Variants in PTPRD observed in about 807,000 individuals in gnomAD.
PTPRD encodes the protein receptor-type tyrosine-protein phosphatase delta.
A neutral mutation model predicts 214.5 loss-of-function variants in PTPRD; 34 were observed. The observed-to-expected ratio is 0.16, with a 90% CI of 0.12 to 0.21. The LOEUF (loss-of-function observed/expected upper bound fraction) is 0.21, where lower values mean the gene tolerates loss of function less well. PTPRD is among the 10% of genes least tolerant of loss of function. PTPRD has a pLI of 1.00. For missense variants in PTPRD, 2,545 were observed against 2,398.7 expected (o/e 1.06, Z -1.27); for synonymous variants, 1,128 against 845.7 (o/e 1.33, Z -5.79).
chr9:10,056,444 G>GAA (rs796727898), intron 3 of PTPRD, among the ~76,000 whole-genome samples: 1 of 142,298 alleles, frequency 7.0e-6, no homozygotes, highest in African/African-American at 2.6e-5. Flanking sequence ...CTGCTGGAAA[G>GAA]AAAAAAAAAA....
chr9:9,410,239 G>A (rs762320740), intron 8 of PTPRD, among the ~76,000 whole-genome samples: 7 of 152,298 alleles, frequency 4.6e-5, no homozygotes, highest in Middle Eastern at 3.4e-3. Flanking sequence ...AGTAATGGGT[G>A]CTTGAAATTC....
chr9:10,595,091 T>C (rs1306404282), intron 2 of PTPRD, among the ~76,000 whole-genome samples: 2 of 151,958 alleles, frequency 1.3e-5, no homozygotes, highest in East Asian at 2.0e-4. Flanking sequence ...TTTGCTTATA[T>C]TGTTTCGTTC....
At chr9:10,242,728 A>G (rs1417550408) in intron 3 of PTPRD, among the ~76,000 whole-genome samples, 2 of 151,718 alleles carry the variant, frequency 1.3e-5, no homozygotes, top group Non-Finnish European at 2.9e-5. Context: ...GATTAGATCA[A>G]TAGGTTTTTA....
At chr9:9,612,647 G>A (rs1406126271) in intron 7 of PTPRD, among the ~76,000 whole-genome samples, 1 of 151,562 alleles carries the variant, frequency 6.6e-6, no homozygotes. Flanking sequence ...TCCTAAGATA[G>A]TAATTATTGT....
chr9:9,527,043 G>C (rs887927124), intron 8 of PTPRD, among the ~76,000 whole-genome samples: 2 of 152,002 alleles, frequency 1.3e-5, no homozygotes, highest in African/African-American at 2.4e-5. Context: ...TATTTAATGA[G>C]TCTGTTAAAA....
At chr9:9,214,967 G>C (rs1002499728) in intron 9 of PTPRD, among the ~76,000 whole-genome samples, 15 of 152,202 alleles carry the variant, frequency 9.9e-5, no homozygotes, top group African/African-American at 3.6e-4. Context: ...TGGGTTCAGA[G>C]TCTATGCTCT....
intron 10 of PTPRD, among the ~76,000 whole-genome samples, chr9:9,128,540 C>G (rs938904237): frequency 2.0e-5 from 3 of 152,098 alleles, no homozygotes; most frequent in Non-Finnish European, 4.4e-5. Flanking sequence ...GCTAACATGA[C>G]CAGGAAGTTA....
At chr9:9,388,118 C>G (rs2064520421) in intron 9 of PTPRD, among the ~76,000 whole-genome samples, 1 of 152,010 alleles carries the variant, frequency 6.6e-6, no homozygotes, top group Non-Finnish European at 1.5e-5. Context: ...GATGGGGGAG[C>G]CAGAAGGGAA....
intron 2 of PTPRD, among the ~76,000 whole-genome samples, chr9:10,353,590 C>A (rs1427832166): frequency 6.6e-6 from 1 of 151,864 alleles, no homozygotes; most frequent in African/African-American, 2.4e-5. Context: ...AGAAGAGTTA[C>A]AAGTTTTTAA....
At chr9:10,065,347 T>A (rs889003965) in intron 3 of PTPRD, among the ~76,000 whole-genome samples, 1 of 151,936 alleles carries the variant, frequency 6.6e-6, no homozygotes, top group Admixed American at 6.6e-5. Flanking sequence ...ACCAGCCCCA[T>A]AAAAGTCAAA....
chr9:10,167,801 A>T (rs1001175429), intron 3 of PTPRD, among the ~76,000 whole-genome samples: 2 of 151,686 alleles, frequency 1.3e-5, no homozygotes, highest in Non-Finnish European at 2.9e-5. Flanking sequence ...ACCTTCTCCC[A>T]ATATAGCTGT....
Position 8,784,330 on chromosome 9 carries a change from T to G in PTPRD, c.-103-50384A>C, listed in dbSNP as rs191242093. On this transcript the variant is annotated intron_variant, in intron 11 of 45. Transcript: ENST00000381196. ...GTTCCCAGTTTTAAATAAATTTCAT[T>G]TCTTAAACGTAAATGCATGCTATTA... Among the ~76,000 whole-genome samples, 3 of 152,348 alleles carry G rather than the reference T, an allele frequency of 2.0e-5. No individual in the cohort carries two copies. The East Asian group carries it at 5.8e-4, about 29-fold the overall frequency.
intron 5 of PTPRD, among the ~76,000 whole-genome samples, chr9:9,779,232 G>A (rs1468797533): frequency 1.3e-5 from 2 of 151,888 alleles, no homozygotes; most frequent in Non-Finnish European, 1.5e-5. Flanking sequence ...TTAAATGTAA[G>A]ACTTCAAATT....
At chr9:8,454,694 G>A in intron 33 of PTPRD, 1 of 1,310,238 alleles carries the variant, frequency 7.6e-7, no homozygotes, top group South Asian at 1.2e-5. Context: ...AAGAAATAGT[G>A]TTCACAAGCA....
At chr9:10,453,998 T>C (rs995251735) in intron 2 of PTPRD, among the ~76,000 whole-genome samples, 2 of 151,786 alleles carry the variant, frequency 1.3e-5, no homozygotes, top group African/African-American at 4.8e-5. Context: ...AAAGTTCTTT[T>C]GTGATTTAAC....
chr9:8,564,666 C>CGT (rs2088126696), intron 14 of PTPRD, among the ~76,000 whole-genome samples: 1 of 152,150 alleles, frequency 6.6e-6, no homozygotes, highest in African/African-American at 2.4e-5. Context: ...TGCCACTGTA[C>CGT]TCCAGCCTGG....
At chr9:9,294,406 T>C (rs1041280822) in intron 9 of PTPRD, among the ~76,000 whole-genome samples, 2 of 151,774 alleles carry the variant, frequency 1.3e-5, no homozygotes, top group African/African-American at 4.8e-5. Flanking sequence ...TTTATGTGGC[T>C]CCTTGTTATG....
chr9:8,390,625 C>G (rs541073849), intron 36 of PTPRD, among the ~76,000 whole-genome samples: 3 of 152,228 alleles, frequency 2.0e-5, no homozygotes, highest in African/African-American at 7.2e-5. Flanking sequence ...AAATAATTTT[C>G]CCCAGTTCCA....
intron 12 of PTPRD, among the ~76,000 whole-genome samples, chr9:8,688,743 C>G (rs2097744844): frequency 6.6e-6 from 1 of 151,964 alleles, no homozygotes; most frequent in South Asian, 2.1e-4. Flanking sequence ...TTGTAGAACA[C>G]CAAGCTATCC....
Sources: gnomAD v4.1 joint callset for allele counts (sites outside exome capture counted in the v4.1 genomes callset) on GRCh38, gnomAD v4.1.1 for gene constraint, MANE v1.5 for transcripts, NCBI Gene and HGNC (gene_info 2026-07-23, HGNC 2026-07-21) for gene names.